Variants in SLC9A3 observed in about 807,000 individuals in gnomAD.
The protein encoded by SLC9A3 is sodium/hydrogen exchanger 3.
A neutral mutation model predicts 86.8 loss-of-function variants in SLC9A3; 37 were observed. The ratio of observed to expected loss-of-function variants is 0.43; its 90% CI spans 0.33 to 0.56. The LOEUF is 0.56. Ranked by LOEUF, SLC9A3 falls within the 20% of genes least tolerant of loss-of-function variation. The probability of loss-of-function intolerance (pLI) is 0.06; values close to 1 mark genes in which losing one functional copy is unlikely to be tolerated. For missense variants in SLC9A3, 1,011 were observed against 1,171.9 expected, an observed-to-expected ratio of 0.86 and a Z score of 2.00; for synonymous variants, 581 against 528.3, an observed-to-expected ratio of 1.10 and a Z score of -1.37.
At chr5:501,895 AG>A (rs1239102998) in intron 1 of SLC9A3, among the ~76,000 whole-genome samples, 4 of 151,834 alleles carry the variant, frequency 2.6e-5, no homozygotes, top group African/African-American at 4.8e-5. Flanking sequence ...GGCGTGGGAC[AG>A]GGGAGCCGGC....
intron 1 of SLC9A3, among the ~76,000 whole-genome samples, chr5:494,437 G>A (rs1052281913): frequency 6.6e-6 from 1 of 152,194 alleles, no homozygotes; most frequent in African/African-American, 2.4e-5. Flanking sequence ...CTCCACAGCC[G>A]GGACTCAGCA....
In SLC9A3 at chr5:472,281, G is replaced by C; in HGVS notation, c.*1098C>G. The C allele has an allele frequency of 2.9e-6, 1 of 347,096 alleles. No individual in the cohort carries two copies. The allele number at this position is 347,096 out of a possible 1,614,324, so 21.5% of individuals were successfully genotyped here. ...GGGGTGGGAAGGGTCAGGGGTCCGGGGTCTAGGACAGGCTCAGGGGTCTCA... is the reference window on the plus strand; with the variant it reads ...GGGGTGGGAAGGGTCAGGGGTCCGGCGTCTAGGACAGGCTCAGGGGTCTCA... On this transcript the variant is annotated 3_prime_UTR_variant, in exon 17 of 17. Transcript: ENST00000264938.
intron 1 of SLC9A3, among the ~76,000 whole-genome samples, chr5:509,655 G>C (rs1343025436): frequency 2.0e-5 from 3 of 152,156 alleles, no homozygotes; most frequent in African/African-American, 4.8e-5. Context: ...CCAAGCTTGC[G>C]GTTCCAGACT....
rs1346361621 is a variant in SLC9A3 at position 477,278 on chromosome 5, A to T, written c.1760+54T>A. The T allele has an allele frequency of 4.6e-6, 6 of 1,304,076 alleles. No homozygotes were observed. The African/African-American group carries it at 7.4e-5, about 16-fold the overall frequency. The allele number at this position is 1,304,076 out of a possible 1,614,324, so 80.8% of individuals were successfully genotyped here. Reference sequence around the variant, plus strand: ...CACCACAGCCCTGTCTGTGACTCTCAGCTCCCGAGGCTGGGCTCTTCCCCA... The same window carrying T: ...CACCACAGCCCTGTCTGTGACTCTCTGCTCCCGAGGCTGGGCTCTTCCCCA... On this transcript the variant is annotated intron_variant, in intron 11 of 16. Transcript: ENST00000264938.
At position 486,097 on chromosome 5, in the gene SLC9A3, C is replaced by A. The variant is rs533313598; in HGVS notation, c.676-866G>T. Among the ~76,000 whole-genome samples the A allele has an allele frequency of 1.1e-4, 16 of 152,258 alleles. No individual in the cohort carries two copies. The East Asian group carries it at 3.1e-3, about 29-fold the overall frequency. On this transcript the variant is annotated intron_variant, in intron 3 of 16. Coordinates refer to ENST00000264938, the MANE Select transcript of SLC9A3 (RefSeq NM_004174.4). ...GACACCCACAGGACTTTCCTCTTTC[C>A]AAAACCCCTAAGGGAACATGAGAGG...
chr5:499,665 C>T lies in SLC9A3; in HGVS notation c.212-7594G>A, dbSNP rs182801562. Among the ~76,000 whole-genome samples the T allele has an allele frequency of 8.8e-4, 134 of 152,370 alleles. 11 individuals carry two copies. In the East Asian group the frequency reaches 0.014, roughly 16 times the overall value. On this transcript the variant is annotated intron_variant, in intron 1 of 16. Transcript: ENST00000264938. Reference sequence around the variant, plus strand: ...CAGTGCCTGATGCCGTCTGCAGCTCCCTCTGGTCTGACAACCAGTCACTCC... The same window carrying T: ...CAGTGCCTGATGCCGTCTGCAGCTCTCTCTGGTCTGACAACCAGTCACTCC...
chr5:515,303 C>T (rs994903431), intron 1 of SLC9A3, among the ~76,000 whole-genome samples: 6 of 152,126 alleles, frequency 3.9e-5, no homozygotes, highest in African/African-American at 1.4e-4. Context: ...TCCTGCTCTG[C>T]CCGCCCCTCC....
At chr5:488,203 G>A (rs538738117) in intron 3 of SLC9A3, 113 bp downstream of exon 3, 2 of 1,192,748 alleles carry the variant, frequency 1.7e-6, no homozygotes, top group East Asian at 4.9e-5. Flanking sequence ...CCCGGGAGGG[G>A]AGTTTGAGGA....
chr5:472,333 CTGGT>C lies in SLC9A3; in HGVS notation c.*1042_*1045del. ...CAGGTTCTCCTTGGAGGGCCTGAGC[CTGGT>C]AGGGGGGCGGTGCCCTGGGCCCCTC... On this transcript the variant is annotated 3_prime_UTR_variant, in exon 17 of 17. Transcript: ENST00000264938. 1 of 336,234 alleles carries C rather than the reference CTGGT, an allele frequency of 3.0e-6. No homozygotes were observed. Among genetic ancestry groups the C allele is most frequent in the Non-Finnish European group, 5.8e-6 (1 of 172,226 alleles). 20.8% of individuals were successfully genotyped at this position (336,234 alleles called of 1,614,324 possible).
intron 1 of SLC9A3, among the ~76,000 whole-genome samples, chr5:518,348 T>G (rs1733792391): frequency 6.7e-6 from 1 of 150,342 alleles, no homozygotes. Context: ...TACCCTGAGA[T>G]CTAGCACCCT....
chr5:521,997 CG>C (rs1733895827), intron 1 of SLC9A3, among the ~76,000 whole-genome samples: 1 of 152,190 alleles, frequency 6.6e-6, no homozygotes, highest in African/African-American at 2.4e-5. Context: ...CTGTCACTGC[CG>C]GGGCTGCAGA....
intron 1 of SLC9A3, among the ~76,000 whole-genome samples, chr5:510,208 G>C (rs189064214): frequency 2.0e-5 from 3 of 152,250 alleles, no homozygotes; most frequent in Non-Finnish European, 4.4e-5. Flanking sequence ...CAAGAGCAGC[G>C]ACAGAGACCA....
intron 10 of SLC9A3, chr5:479,504 G>T: frequency 3.3e-6 from 1 of 303,188 alleles, no homozygotes; most frequent in Non-Finnish European, 6.4e-6. Flanking sequence ...GGCAGGCAGG[G>T]CTGTATTGGG....
intron 11 of SLC9A3, 50 bp from the exon 12 acceptor site, chr5:476,722 TC>T (rs749325185): frequency 1.3e-6 from 2 of 1,588,234 alleles, no homozygotes; most frequent in South Asian, 2.2e-5. Flanking sequence ...GGGTGGGGTC[TC>T]TTGCGCGCCC....
intron 1 of SLC9A3, among the ~76,000 whole-genome samples, chr5:501,643 G>T (rs1341944418): frequency 7.9e-5 from 12 of 152,208 alleles, no homozygotes; most frequent in Non-Finnish European, 1.6e-4. Flanking sequence ...CACAGCTGTG[G>T]GTCTGAGTTC....
At chr5:499,376 C>T (rs748384954) in intron 1 of SLC9A3, among the ~76,000 whole-genome samples, 1 of 152,246 alleles carries the variant, frequency 6.6e-6, no homozygotes, top group African/African-American at 2.4e-5. Flanking sequence ...GAGGGCCTGA[C>T]CCGGGCAGTG....
rs749427579 is a variant in SLC9A3, at chr5:488,668, C to G, written c.515-192G>C. Among the ~76,000 whole-genome samples, 20 of 152,242 alleles carry G rather than the reference C, an allele frequency of 1.3e-4. 1 individual carries two copies. The highest frequency in any genetic ancestry group is 4.6e-4 in the African/African-American group (19 of 41,460). Reference sequence around the variant, plus strand: ...CCCTCCAGGGAAGGCTGCTGTCTTCCGAGGGGGCCACCCCATCTGAGCAAG... The same window carrying G: ...CCCTCCAGGGAAGGCTGCTGTCTTCGGAGGGGGCCACCCCATCTGAGCAAG... On this transcript the variant is annotated intron_variant, in intron 2 of 16. Transcript: ENST00000264938.
chr5:508,570 A>G (rs1436995980), intron 1 of SLC9A3, among the ~76,000 whole-genome samples: 2 of 139,540 alleles, frequency 1.4e-5, no homozygotes, highest in Non-Finnish European at 3.1e-5. Context: ...CTCAGGCCTC[A>G]GCGCGCCCGG....
At position 476,305 on chromosome 5, in the gene SLC9A3, C is replaced by A. The variant is rs377627891; in HGVS notation, c.1964G>T (p.Arg655Met). 6.2e-7 allele frequency: 1 copy of A among 1,613,986 alleles called. No homozygotes were observed. Among genetic ancestry groups the A allele is most frequent in the Non-Finnish European group, 8.5e-7 (1 of 1,179,994 alleles). ...GGACTCCAGGCGCTTCCGCATGGTC[C>A]TGTGGAAGATTTCCCGGTCCTGTTT... ...DEKQDREIFH[R>M]TMRKRLESFK... Residue 655 changes from arginine to methionine, a missense_variant, in exon 13 of 17, where the codon AGG (arginine) becomes ATG (methionine). Around this residue, in one of 3 missense-constraint regions of SLC9A3, gnomAD observed 397 missense variants for 346.3 expected, o/e 1.15. Coordinates refer to ENST00000264938, the MANE Select transcript of SLC9A3 (RefSeq NM_004174.4).
Sources: allele counts gnomAD v4.1 joint callset (sites outside exome capture counted in the v4.1 genomes callset), GRCh38; gene constraint gnomAD v4.1.1; regional missense constraint gnomAD v4.1.1; transcripts MANE v1.5; gene names NCBI Gene and HGNC (gene_info 2026-07-23, HGNC 2026-07-21).